METTL6: variants seen among roughly 807,000 people sequenced by gnomAD.
METTL6 encodes the protein tRNA N(3)-cytidine methyltransferase METTL6.
Under a neutral mutation model 26.4 loss-of-function variants are expected in METTL6, and 22 were observed. The observed-to-expected ratio is 0.83, with a 90% CI of 0.59 to 1.19. The LOEUF (loss-of-function observed/expected upper bound fraction) is 1.19, where lower values mean the gene tolerates loss of function less well. Among genes scored for constraint, METTL6 ranks in the 50% most tolerant of loss-of-function variants. The pLI is 0.00. For synonymous variants in METTL6, 109 were observed against 116.2 expected (o/e 0.94, Z 0.40); for missense variants, 304 against 324.8 (o/e 0.94, Z 0.49).
At chr3:15,408,223 A>G (rs1003687319), downstream of METTL6, among the ~76,000 whole-genome samples, 2 of 152,186 alleles carry the variant, frequency 1.3e-5, no homozygotes, top group African/African-American at 4.8e-5. Context: ...AACGAGACAC[A>G]GGGGTGGCGT....
At chr3:15,391,006 GGAA>G (rs1364585519) in intron 6 of METTL6, among the ~76,000 whole-genome samples, 3 of 152,222 alleles carry the variant, frequency 2.0e-5, no homozygotes, top group Non-Finnish European at 4.4e-5. Context: ...GGATGATGCG[GGAA>G]GAAGGTGATC....
downstream of METTL6, among the ~76,000 whole-genome samples, chr3:15,407,064 T>C (rs1699822997): frequency 6.6e-6 from 1 of 152,170 alleles, no homozygotes; most frequent in African/African-American, 2.4e-5. Context: ...TCACCCAAGC[T>C]GGAGTGCAGT....
chr3:15,401,440 C>G (rs1371579211), intron 6 of METTL6, among the ~76,000 whole-genome samples: 1 of 147,472 alleles, frequency 6.8e-6, no homozygotes, highest in African/African-American at 2.5e-5. Context: ...TCCCAAAGTG[C>G]TGGGAATACA....
At chr3:15,406,613 TATATATATATATATATAGAGAGAG>T (rs1313397092), downstream of METTL6, among the ~76,000 whole-genome samples, 70 of 66,054 alleles carry the variant, frequency 1.1e-3, no homozygotes, top group African/African-American at 4.1e-3. Flanking sequence ...TATATATATA[TATATATATATATATATAGAGAGAG>T]AGAGAGAGAG....
At chr3:15,401,653 C>T (rs1183923873) in intron 6 of METTL6, among the ~76,000 whole-genome samples, 4 of 151,800 alleles carry the variant, frequency 2.6e-5, no homozygotes, top group Non-Finnish European at 4.4e-5. Flanking sequence ...ACCAAGATGG[C>T]AATAAAAGTG....
intron 6 of METTL6, among the ~76,000 whole-genome samples, chr3:15,390,647 A>C (rs993000411): frequency 3.9e-5 from 6 of 152,340 alleles, no homozygotes; most frequent in East Asian, 1.9e-4. Context: ...TGGCAGGAGC[A>C]GGCTCGGTGC....
In METTL6 at chr3:15,414,111, G is replaced by A; in HGVS notation, c.583C>T (p.His195Tyr). The A allele has an allele frequency of 6.2e-7, 1 of 1,614,138 alleles. No homozygotes were observed. Among genetic ancestry groups the A allele is most frequent in the African/African-American group, 1.3e-5 (1 of 75,018 alleles). The change falls in exon 5 of 6, where the codon CAT becomes TAT. Residue 195 changes from histidine (H) to tyrosine (Y), a missense_variant. Coordinates refer to ENST00000383790, the MANE Select transcript of METTL6 (RefSeq NM_152396.4). ...VLFRDYGLYD[H>Y]AMLRFKASSK... ...CTGGCTTTAAACCTAAGCATGGCAT[G>A]ATCATACAGTCCGTAGTCACGAAAC...
At chr3:15,423,133 C>T (rs1387815363) in intron 3 of METTL6, among the ~76,000 whole-genome samples, 3 of 152,204 alleles carry the variant, frequency 2.0e-5, no homozygotes, top group South Asian at 4.2e-4. Flanking sequence ...TGGTGGCTCA[C>T]GCCTGTAATC....
intron 6 of METTL6, among the ~76,000 whole-genome samples, chr3:15,385,597 A>AAAAC (rs906883159): frequency 9.2e-5 from 14 of 152,020 alleles, no homozygotes; most frequent in Non-Finnish European, 1.8e-4. Flanking sequence ...GATTCCATCT[A>AAAAC]AAACAAACAA....
At chr3:15,398,026 C>A (rs1038939595) in intron 6 of METTL6, among the ~76,000 whole-genome samples, 1 of 152,016 alleles carries the variant, frequency 6.6e-6, no homozygotes, top group Non-Finnish European at 1.5e-5. Flanking sequence ...TGCACCCCAA[C>A]CAATCGGCAG....
intron 6 of METTL6, among the ~76,000 whole-genome samples, chr3:15,393,206 C>G (rs575249149): frequency 3.9e-5 from 6 of 152,304 alleles, no homozygotes; most frequent in African/African-American, 1.2e-4. Context: ...TGAAGAGGTC[C>G]TTCACGTCCC....
At chr3:15,417,452 A>AAAAT (rs35596746) in intron 3 of METTL6, among the ~76,000 whole-genome samples, 22,254 of 142,586 alleles carry the variant, frequency 0.16, 1,840 homozygotes, top group East Asian at 0.22. Flanking sequence ...CTCTGTCTCA[A>AAAAT]AAATAAATAA....
At chr3:15,415,459 A>G (rs774678556) in intron 4 of METTL6, 6 of 1,548,250 alleles carry the variant, frequency 3.9e-6, no homozygotes, top group Non-Finnish European at 5.2e-6. Flanking sequence ...ACCTGGCCAA[A>G]CTGTGTACTC....
intron 3 of METTL6, among the ~76,000 whole-genome samples, chr3:15,419,950 C>T (rs1004497788): frequency 1.3e-5 from 2 of 151,576 alleles, no homozygotes; most frequent in Admixed American, 1.3e-4. Flanking sequence ...CAAGCTCCGC[C>T]TCCCAGGTTC....
At chr3:15,409,060 C>CCTT (rs1411830696), downstream of METTL6, among the ~76,000 whole-genome samples, 3 of 152,168 alleles carry the variant, frequency 2.0e-5, no homozygotes, top group African/African-American at 7.2e-5. Flanking sequence ...TAAAGGTCCA[C>CCTT]CATCTCTACA....
Position 15,415,294 on chromosome 3 carries a change from C to T in METTL6, c.531+478G>A, listed in dbSNP as rs111236801. On this transcript the variant is annotated intron_variant, in intron 4 of 5. Transcript: ENST00000383790. ...CTCACATGAGACACGGAAACCAATA[C>T]TCAACAGGGTTAAGTGATCTGCCAA... Among the ~76,000 whole-genome samples, 1,155 of 152,336 alleles carry T rather than the reference C, an allele frequency of 7.6e-3. 23 individuals are homozygous for T. The highest frequency in any genetic ancestry group is 0.027 in the African/African-American group (1,107 of 41,566).
At chr3:15,426,143 G>A (rs908493069) in intron 2 of METTL6, 144 bp downstream of exon 2, 2 of 723,706 alleles carry the variant, frequency 2.8e-6, no homozygotes, top group Non-Finnish European at 4.5e-6. Context: ...GTTTCATCAT[G>A]TTGGCCAGGA....
intron 6 of METTL6, among the ~76,000 whole-genome samples, chr3:15,388,821 T>G (rs1236136954): frequency 6.6e-6 from 1 of 152,236 alleles, no homozygotes; most frequent in Admixed American, 6.5e-5. Context: ...AACTAAGTTT[T>G]AAATTATAAA....
chr3:15,393,053 G>T (rs1057333217), intron 6 of METTL6, among the ~76,000 whole-genome samples: 4 of 152,114 alleles, frequency 2.6e-5, no homozygotes, highest in Non-Finnish European at 5.9e-5. Context: ...GGTAGCTTGA[G>T]AGGGATGGCA....
Sources: allele counts gnomAD v4.1 joint callset (sites outside exome capture counted in the v4.1 genomes callset), GRCh38; gene constraint gnomAD v4.1.1; transcripts MANE v1.5; gene names NCBI Gene and HGNC (gene_info 2026-07-23, HGNC 2026-07-21).